KAT2B: variants seen among roughly 807,000 people sequenced by gnomAD.
KAT2B encodes histone acetyltransferase KAT2B.
KAT2B carries 36 observed loss-of-function variants against 105.9 expected under a neutral mutation model. That is an observed-to-expected ratio of 0.34 (90% confidence interval 0.26 to 0.45). The LOEUF is 0.45. Among genes scored for constraint, KAT2B ranks in the 20% least tolerant of loss-of-function variants. KAT2B has a pLI of 1.00. For missense variants in KAT2B, 820 were observed against 1,021.6 expected, an observed-to-expected ratio of 0.80 and a Z score of 2.69; for synonymous variants, 397 against 377.9, an observed-to-expected ratio of 1.05 and a Z score of -0.59.
intron 17 of KAT2B, among the ~76,000 whole-genome samples, chr3:20,150,010 T>C (rs1305251017): frequency 3.3e-5 from 5 of 152,206 alleles, no homozygotes; most frequent in Admixed American, 3.3e-4. Flanking sequence ...CTAGCAGATC[T>C]CGTCGATCAT....
At chr3:20,098,643 T>G (rs1323103092) in intron 3 of KAT2B, among the ~76,000 whole-genome samples, 1 of 152,202 alleles carries the variant, frequency 6.6e-6, no homozygotes, top group Non-Finnish European at 1.5e-5. Flanking sequence ...GCCAAGTTCC[T>G]AAATGGTCTT....
intron 11 of KAT2B, 48 bp from the exon 12 acceptor site, chr3:20,136,894 T>G (rs1302600902): frequency 1.0e-6 from 1 of 969,012 alleles, no homozygotes; most frequent in Non-Finnish European, 1.6e-6. Flanking sequence ...TTGTAAAAAT[T>G]TTTCTCCCCA....
chr3:20,111,528 T>C, intron 5 of KAT2B, 68 bp from the exon 6 acceptor site: 2 of 1,280,514 alleles, frequency 1.6e-6, no homozygotes, highest in Non-Finnish European at 2.2e-6. Context: ...GAGATAAACA[T>C]AATTGAATAT....
At chr3:20,147,720 C>G (rs1699802843) in intron 14 of KAT2B, among the ~76,000 whole-genome samples, 1 of 152,152 alleles carries the variant, frequency 6.6e-6, no homozygotes, top group Non-Finnish European at 1.5e-5. Context: ...TTTATGCTCT[C>G]CACTGAAAGG....
At position 20,152,749 on chromosome 3, in the gene KAT2B, C is replaced by T; in HGVS notation, c.*224C>T. The T allele has an allele frequency of 5.6e-6, 2 of 360,090 alleles. No individual in the cohort carries two copies. Among genetic ancestry groups the T allele is most frequent in the Non-Finnish European group, 1.0e-5 (2 of 195,150 alleles). The allele number at this position is 360,090 out of a possible 1,614,324, so 22.3% of individuals were successfully genotyped here. On this transcript the variant is annotated 3_prime_UTR_variant, in exon 18 of 18. Coordinates refer to ENST00000263754, the MANE Select transcript of KAT2B (RefSeq NM_003884.5). ...TATGGAATAGATTTTAATCTATTTA[C>T]TACTATTAAGGTAAATTTTCTATGG...
At chr3:20,137,556 G>GTATATTCCAAAGCATTAATGTCATTGAA in intron 12 of KAT2B, 1 of 149,936 alleles carries the variant, frequency 6.7e-6, no homozygotes, top group African/African-American at 2.6e-5. Context: ...TTTTTTTTGA[G>GTATATTCCAAAGCATTAATGTCATTGAA]ACAGGGTCTC....
intron 1 of KAT2B, among the ~76,000 whole-genome samples, chr3:20,058,260 C>T (rs1698034545): frequency 6.6e-6 from 1 of 151,922 alleles, no homozygotes; most frequent in Non-Finnish European, 1.5e-5. Flanking sequence ...GAGTTCAAGA[C>T]CAGCCTGGCC....
At chr3:20,111,065 G>C (rs1559317857) in intron 5 of KAT2B, among the ~76,000 whole-genome samples, 2 of 152,138 alleles carry the variant, frequency 1.3e-5, no homozygotes, top group South Asian at 4.1e-4. Context: ...TTTACTCAAA[G>C]GACTAGGTGG....
intron 7 of KAT2B, among the ~76,000 whole-genome samples, chr3:20,116,264 T>C (rs1331135260): frequency 6.6e-6 from 1 of 152,166 alleles, no homozygotes; most frequent in Non-Finnish European, 1.5e-5. Flanking sequence ...ACCTGTGCTA[T>C]TCACTTTACC....
intron 11 of KAT2B, 133 bp downstream of exon 11, chr3:20,127,682 T>C: frequency 1.2e-6 from 1 of 817,200 alleles, no homozygotes; most frequent in African/African-American, 1.7e-5. Flanking sequence ...TTTCTGGGAA[T>C]AGTCCTCTCA....
intron 13 of KAT2B, among the ~76,000 whole-genome samples, chr3:20,144,291 T>C (rs998417651): frequency 2.8e-4 from 39 of 137,568 alleles, no homozygotes; most frequent in Middle Eastern, 3.6e-3. Flanking sequence ...TTTTTTTTTT[T>C]TTTTTTTTTT....
chr3:20,074,220 T>C (rs935372084), intron 2 of KAT2B, among the ~76,000 whole-genome samples: 1 of 152,162 alleles, frequency 6.6e-6, no homozygotes, highest in Non-Finnish European at 1.5e-5. Context: ...TTACTTACGA[T>C]AGTAAAAAGC....
intron 9 of KAT2B, 25 bp from the exon 10 acceptor site, chr3:20,125,880 T>C: frequency 6.3e-7 from 1 of 1,598,866 alleles, no homozygotes; most frequent in African/African-American, 1.3e-5. Context: ...CTCTGTGTAA[T>C]TTTTTCCTGT....
intron 13 of KAT2B, among the ~76,000 whole-genome samples, chr3:20,143,621 T>C (rs1472127511): frequency 6.6e-6 from 1 of 152,148 alleles, no homozygotes; most frequent in African/African-American, 2.4e-5. Flanking sequence ...AACAAAGACA[T>C]GAAATCAATT....
chr3:20,109,752 T>C lies in KAT2B; in HGVS notation c.852-1844T>C, dbSNP rs776521405. Among the ~76,000 whole-genome samples, 197 of 152,214 alleles carry C rather than the reference T, an allele frequency of 1.3e-3. 1 individual carries two copies. The highest frequency in any genetic ancestry group is 2.6e-3 in the Non-Finnish European group (175 of 68,036). On this transcript the variant is annotated intron_variant, in intron 5 of 17. Coordinates refer to ENST00000263754, the MANE Select transcript of KAT2B (RefSeq NM_003884.5). ...ATAAATGCACTTTATAATTTTTTTCTGCTACCAAGATCACTGTTTCAGACA... is the reference window on the plus strand; with the variant it reads ...ATAAATGCACTTTATAATTTTTTTCCGCTACCAAGATCACTGTTTCAGACA...
chr3:20,123,083 G>C (rs1047107921), intron 9 of KAT2B: 2 of 389,380 alleles, frequency 5.1e-6, no homozygotes, highest in Admixed American at 1.3e-4. Flanking sequence ...CCTCATAAAT[G>C]TTGCAGAAAT....
intron 13 of KAT2B, among the ~76,000 whole-genome samples, chr3:20,142,369 A>G (rs577760029): frequency 6.6e-6 from 1 of 152,306 alleles, no homozygotes; most frequent in South Asian, 2.1e-4. Flanking sequence ...TCACTTCAAT[A>G]AAAATATATT....
chr3:20,065,195 T>G (rs1698203022), intron 1 of KAT2B, among the ~76,000 whole-genome samples: 1 of 152,204 alleles, frequency 6.6e-6, no homozygotes, highest in South Asian at 2.1e-4. Flanking sequence ...TTCTTGGTTC[T>G]GCAATGTCTG....
intron 11 of KAT2B, among the ~76,000 whole-genome samples, chr3:20,129,534 C>A (rs1699472602): frequency 6.6e-6 from 1 of 152,050 alleles, no homozygotes; most frequent in Non-Finnish European, 1.5e-5. Context: ...TGCCACCATG[C>A]CCGGCCAATT....
Sources: gnomAD v4.1 joint callset for allele counts (sites outside exome capture counted in the v4.1 genomes callset) on GRCh38, gnomAD v4.1.1 for gene constraint, MANE v1.5 for transcripts, NCBI Gene and HGNC (gene_info 2026-07-23, HGNC 2026-07-21) for gene names.